Variants in CTIF observed in about 807,000 individuals in gnomAD.
CTIF encodes the protein cap binding complex dependent translation initiation factor, also known as CBP80/20-dependent translation initiation factor.
In CTIF, 21 loss-of-function variants were observed where a neutral mutation model predicts 66.0. That is an observed-to-expected ratio of 0.32 (90% confidence interval 0.23 to 0.46). The LOEUF (loss-of-function observed/expected upper bound fraction) is 0.46, where lower values mean the gene tolerates loss of function less well. Among genes scored for constraint, CTIF ranks in the 20% least tolerant of loss-of-function variants. CTIF has a pLI of 1.00. For missense variants in CTIF, 739 were observed against 812.7 expected (o/e 0.91, Z 1.10); for synonymous variants, 345 against 326.4 (o/e 1.06, Z -0.62).
At chr18:48,694,414 C>G (rs116736475) in intron 6 of CTIF, among the ~76,000 whole-genome samples, 1,565 of 152,270 alleles carry the variant, frequency 0.01, 29 homozygotes, top group African/African-American at 0.036. Flanking sequence ...GGCCAGGAAG[C>G]GCCTAAAGAC....
intron 3 of CTIF, among the ~76,000 whole-genome samples, chr18:48,646,901 C>CAAAAAAAAA (rs35904615): frequency 2.1e-4 from 16 of 77,956 alleles, no homozygotes; most frequent in East Asian, 4.9e-4. Context: ...TTGGCAGTTT[C>CAAAAAAAAA]AAAAAAAAAA....
At chr18:48,775,472 T>C (rs570132952) in intron 9 of CTIF, among the ~76,000 whole-genome samples, 1 of 152,260 alleles carries the variant, frequency 6.6e-6, no homozygotes, top group East Asian at 1.9e-4. Context: ...CCCGGCACAG[T>C]AGGACTTGAG....
At position 48,817,322 on chromosome 18, in the gene CTIF, C is replaced by A. The variant is rs2068386909; in HGVS notation, c.1473C>A (p.Ser491Arg). ...LCEVFGTMRS[S>R]TGEPFRVLVC... ...AGGTCTTCGGCACCATGCGCAGCAG[C>A]ACAGGCGAGCCCTTCCGTGTGCTCG... Residue 491 changes from serine (S) to arginine (R), a missense_variant, in exon 10 of 12, where the codon AGC (serine) becomes AGA (arginine). Physicochemically the swap from Ser to Arg is moderately radical, Grantham distance 110 (BLOSUM62 -1). Around this residue, in one of 2 missense-constraint regions of CTIF, gnomAD observed 210 missense variants for 292.3 expected, o/e 0.72. Coordinates refer to ENST00000256413, the MANE Select transcript of CTIF (RefSeq NM_014772.3). 1.2e-6 allele frequency: 2 copies of A among 1,613,918 alleles called. No homozygotes were observed. Among genetic ancestry groups the A allele is most frequent in the Admixed American group, 1.7e-5 (1 of 60,028 alleles).
chr18:48,590,419 G>GAA (rs2089864301), intron 1 of CTIF, among the ~76,000 whole-genome samples: 1 of 152,254 alleles, frequency 6.6e-6, no homozygotes. Flanking sequence ...GGGCTGGGAA[G>GAA]AAAGTGAGCA....
intron 2 of CTIF, among the ~76,000 whole-genome samples, chr18:48,632,560 C>G (rs113851178): frequency 0.034 from 5,183 of 152,260 alleles, 258 homozygotes; most frequent in African/African-American, 0.12. Flanking sequence ...CCACTTCCCC[C>G]CTGGGCCAGT....
chr18:48,706,928 A>G (rs924012542), intron 6 of CTIF, among the ~76,000 whole-genome samples: 1 of 152,238 alleles, frequency 6.6e-6, no homozygotes, highest in Non-Finnish European at 1.5e-5. Flanking sequence ...TTAGACAGAC[A>G]GGGAACTGCA....
chr18:48,725,317 G>A (rs576365044), intron 7 of CTIF, among the ~76,000 whole-genome samples: 52 of 152,284 alleles, frequency 3.4e-4, no homozygotes, highest in Non-Finnish European at 6.0e-4. Context: ...GTCAGGGGTA[G>A]GGTAGGAACA....
chr18:48,834,342 T>C (rs1599132551), intron 10 of CTIF, among the ~76,000 whole-genome samples: 1 of 152,258 alleles, frequency 6.6e-6, no homozygotes, highest in East Asian at 1.9e-4. Flanking sequence ...ATATAATTTG[T>C]ATATGTCACA....
chr18:48,677,482 A>G (rs1021446085), intron 6 of CTIF, among the ~76,000 whole-genome samples: 16 of 152,204 alleles, frequency 1.1e-4, no homozygotes, highest in Non-Finnish European at 1.3e-4. Context: ...CAACAGTAAC[A>G]CTAGCGAACA....
At position 48,700,484 on chromosome 18, in the gene CTIF, C is replaced by T. The variant is rs534236497; in HGVS notation, c.508-11135C>T. The stretch of plus-strand genomic sequence containing the variant: ...ATGTGAGGCCTTGGAGGCTTCCCCC[C>T]GGCACAGCGGGGTACACCTCAGAAT... On this transcript the variant is annotated intron_variant, in intron 6 of 11. Coordinates refer to ENST00000256413, the MANE Select transcript of CTIF (RefSeq NM_014772.3). 5.9e-5 allele frequency among the ~76,000 whole-genome samples: 9 copies of T among 152,326 alleles called. No homozygotes were observed. The East Asian group carries it at 1.4e-3, about 23-fold the overall frequency.
chr18:48,840,545 C>T (rs1475423784), intron 10 of CTIF, among the ~76,000 whole-genome samples: 5 of 152,200 alleles, frequency 3.3e-5, no homozygotes, highest in Non-Finnish European at 7.3e-5. Flanking sequence ...CTTCTCTTAT[C>T]TCCGAGTCTC....
intron 9 of CTIF, among the ~76,000 whole-genome samples, chr18:48,768,255 C>G (rs1299760999): frequency 2.0e-5 from 3 of 152,080 alleles, no homozygotes; most frequent in Non-Finnish European, 2.9e-5. Context: ...TTCCTGGAGT[C>G]TAAGTTTTAA....
chr18:48,607,673 A>G (rs906192574), intron 1 of CTIF, among the ~76,000 whole-genome samples: 1 of 152,186 alleles, frequency 6.6e-6, no homozygotes, highest in African/African-American at 2.4e-5. Flanking sequence ...CTCAGCTCAC[A>G]TTAAGGCTGA....
intron 1 of CTIF, among the ~76,000 whole-genome samples, chr18:48,610,514 A>C (rs947259290): frequency 2.6e-5 from 4 of 152,114 alleles, no homozygotes; most frequent in African/African-American, 9.7e-5. Flanking sequence ...GGAAGTGCTC[A>C]TCAGGAGCCA....
At chr18:48,814,356 T>C (rs2068319532) in intron 9 of CTIF, among the ~76,000 whole-genome samples, 1 of 152,158 alleles carries the variant, frequency 6.6e-6, no homozygotes, top group African/African-American at 2.4e-5. Context: ...CCCTGACCAG[T>C]TACACAAGAC....
intron 1 of CTIF, among the ~76,000 whole-genome samples, chr18:48,611,989 C>T (rs978625653): frequency 4.6e-5 from 7 of 152,138 alleles, no homozygotes; most frequent in Non-Finnish European, 1.0e-4. Context: ...CGTCAGATGT[C>T]CTTGACTCCT....
At chr18:48,816,643 T>A (rs762543245) in intron 9 of CTIF, among the ~76,000 whole-genome samples, 25 of 151,894 alleles carry the variant, frequency 1.6e-4, no homozygotes, top group Non-Finnish European at 3.7e-4. Context: ...AATGGGGCAA[T>A]AATATTTTTA....
rs59339051 is a variant in CTIF, at chr18:48,840,583, A to G, written c.1528-17005A>G. Among the ~76,000 whole-genome samples, 361 of 152,280 alleles carry G rather than the reference A, an allele frequency of 2.4e-3. 7 individuals are homozygous for G. Among genetic ancestry groups the G allele is most frequent in the African/African-American group, 7.9e-3 (328 of 41,542 alleles). ...AGACTTGGCAAAGAGTACTTACCAA[A>G]TCCCTACTGACACCCTGGGCAGCCC... On this transcript the variant is annotated intron_variant, in intron 10 of 11. Coordinates refer to ENST00000256413, the MANE Select transcript of CTIF (RefSeq NM_014772.3).
At chr18:48,768,967 T>C (rs1909846336) in intron 9 of CTIF, among the ~76,000 whole-genome samples, 1 of 152,172 alleles carries the variant, frequency 6.6e-6, no homozygotes, top group Admixed American at 6.5e-5. Flanking sequence ...TGTGGAATAA[T>C]CCCACTGTGT....
Sources: allele counts gnomAD v4.1 joint callset (sites outside exome capture counted in the v4.1 genomes callset), GRCh38; gene constraint gnomAD v4.1.1; regional missense constraint gnomAD v4.1.1; transcripts MANE v1.5; gene names NCBI Gene and HGNC (gene_info 2026-07-23, HGNC 2026-07-21).